Variants in MYOM2 observed in about 807,000 individuals in gnomAD.
The protein encoded by MYOM2 is myomesin 2.
A neutral mutation model predicts 187.6 loss-of-function variants in MYOM2; 254 were observed. The observed-to-expected ratio is 1.35, with a 90% confidence interval of 1.22 to 1.50. MYOM2 has a LOEUF of 1.50. Ranked by LOEUF, MYOM2 falls within the 40% of genes most tolerant of loss-of-function variation. The pLI, the probability that MYOM2 is intolerant of heterozygous loss-of-function variation, is 0.00. For missense variants in MYOM2, 2,796 were observed against 1,924.0 expected, an observed-to-expected ratio of 1.45 and a Z score of -8.48; for synonymous variants, 981 against 753.8, an observed-to-expected ratio of 1.30 and a Z score of -4.94.
intron 15 of MYOM2, among the ~76,000 whole-genome samples, chr8:2,091,946 G>A (rs1256968837): frequency 2.0e-5 from 3 of 152,128 alleles, no homozygotes; most frequent in African/African-American, 7.2e-5. Context: ...AGTGCCCCTC[G>A]GAGATTTCAA....
intron 25 of MYOM2, among the ~76,000 whole-genome samples, chr8:2,113,440 G>A (rs1464486639): frequency 6.6e-6 from 1 of 152,184 alleles, no homozygotes; most frequent in Non-Finnish European, 1.5e-5. Context: ...TGAAGGCCTT[G>A]GGAGGTCTCT....
intron 25 of MYOM2, among the ~76,000 whole-genome samples, chr8:2,115,164 C>CAAAAA (rs66740208): frequency 6.9e-6 from 1 of 144,164 alleles, no homozygotes; most frequent in African/African-American, 2.5e-5. Flanking sequence ...AGGCAACCAG[C>CAAAAA]AAAAAAAAAA....
intron 6 of MYOM2, among the ~76,000 whole-genome samples, chr8:2,069,051 G>A (rs76114718): frequency 0.011 from 1,717 of 152,300 alleles, 23 homozygotes; most frequent in African/African-American, 0.037. Flanking sequence ...TCTTAAGGCC[G>A]AAACTGCACC....
chr8:2,057,808 A>C (rs1283730545), intron 5 of MYOM2, 28 bp downstream of exon 5: 3 of 1,605,048 alleles, frequency 1.9e-6, no homozygotes, highest in Non-Finnish European at 8.5e-7. Flanking sequence ...CAGGGGGTGA[A>C]GAAGTCCATT....
chr8:2,103,786 GTGTA>G (rs759969580), intron 21 of MYOM2, among the ~76,000 whole-genome samples: 11 of 151,908 alleles, frequency 7.2e-5, no homozygotes, highest in Admixed American at 3.9e-4. Context: ...ATGTGTTTAT[GTGTA>G]TGTATGTATA....
chr8:2,142,627 C>G (rs564541140), intron 35 of MYOM2, among the ~76,000 whole-genome samples: 2 of 152,058 alleles, frequency 1.3e-5, no homozygotes, highest in Admixed American at 6.6e-5. Context: ...CCCTCCCTCC[C>G]TCCTCCCTTG....
chr8:2,097,843 A>G (rs1796546078), intron 18 of MYOM2, among the ~76,000 whole-genome samples: 1 of 152,208 alleles, frequency 6.6e-6, no homozygotes. Context: ...AATGTTTTTC[A>G]AATATGTCTA....
chr8:2,131,296 A>G (rs1416365391), intron 32 of MYOM2, among the ~76,000 whole-genome samples: 1 of 152,124 alleles, frequency 6.6e-6, no homozygotes, highest in Non-Finnish European at 1.5e-5. Context: ...CCCACATTTT[A>G]TAGATGTGGA....
chr8:2,142,431 A>T lies in MYOM2; in HGVS notation c.4024+34A>T, dbSNP rs912529626. The T allele has an allele frequency of 3.1e-6, 5 of 1,611,126 alleles. No individual in the cohort carries two copies. In the African/African-American group the frequency reaches 6.7e-5, roughly 22 times the overall value. On this transcript the variant is annotated intron_variant, in intron 35 of 36. Coordinates refer to ENST00000262113, the MANE Select transcript of MYOM2 (RefSeq NM_003970.4). Reference sequence around the variant, plus strand: ...CTGTTGGATTGTAACCAGGATGGTGAATTATTTGGGGTGGGGCAAAAGTGT... The same window carrying T: ...CTGTTGGATTGTAACCAGGATGGTGTATTATTTGGGGTGGGGCAAAAGTGT...
chr8:2,090,465 CT>C (rs1796259879), intron 15 of MYOM2, among the ~76,000 whole-genome samples: 1 of 152,148 alleles, frequency 6.6e-6, no homozygotes, highest in Admixed American at 6.5e-5. Flanking sequence ...TTTATTTAAA[CT>C]TTTAAAAAAA....
intron 10 of MYOM2, among the ~76,000 whole-genome samples, chr8:2,075,604 C>T (rs1819390013): frequency 6.6e-6 from 1 of 152,164 alleles, no homozygotes; most frequent in Non-Finnish European, 1.5e-5. Context: ...TTCTATGTTG[C>T]TCTGTTGGTT....
chr8:2,050,411 C>T (rs896545703), intron 1 of MYOM2, among the ~76,000 whole-genome samples: 2 of 152,218 alleles, frequency 1.3e-5, no homozygotes, highest in African/African-American at 2.4e-5. Context: ...CTCTAATCTG[C>T]TTTAATTATT....
chr8:2,055,273 G>T (rs1357005561), intron 3 of MYOM2, among the ~76,000 whole-genome samples: 1 of 152,178 alleles, frequency 6.6e-6, no homozygotes, highest in Admixed American at 6.5e-5. Context: ...TTATAGAGGT[G>T]GCACGTGCTC....
rs775346921 is a variant in MYOM2, at chr8:2,085,440, C to T, written c.1644+50C>T. Reference sequence around the variant, plus strand: ...AAAAGTAGATCTCTGCATGGCCCCCCACTGTCATGATCTCTGCGTGGCCCA... The same window carrying T: ...AAAAGTAGATCTCTGCATGGCCCCCTACTGTCATGATCTCTGCGTGGCCCA... On this transcript the variant is annotated intron_variant, in intron 14 of 36. Coordinates refer to ENST00000262113, the MANE Select transcript of MYOM2 (RefSeq NM_003970.4). The T allele has an allele frequency of 5.1e-5, 81 of 1,597,800 alleles. 1 individual carries two copies. The Middle Eastern group carries it at 6.7e-3, about 133-fold the overall frequency.
At position 2,057,345 on chromosome 8, in the gene MYOM2, CA is replaced by C; in HGVS notation, c.264-2del. ...AACTGAGGCTGCTTCTCGGCTCCTG[CA>C]GGTACCAGTCCCTGGTGGCCGCCTA... On this transcript the variant is annotated splice_acceptor_variant, in intron 3 of 36. Coordinates refer to ENST00000262113, the MANE Select transcript of MYOM2 (RefSeq NM_003970.4). LOFTEE classifies it high-confidence loss of function. The C allele has an allele frequency of 6.3e-7, 1 of 1,598,232 alleles. No homozygotes were observed. The highest frequency in any genetic ancestry group is 8.5e-7 in the Non-Finnish European group (1 of 1,172,034).
intron 34 of MYOM2, 80 bp from the exon 35 acceptor site, chr8:2,142,295 C>G: frequency 1.5e-6 from 2 of 1,360,574 alleles, no homozygotes; most frequent in Non-Finnish European, 2.1e-6. Flanking sequence ...GCTAGTGAGC[C>G]TCTCAGCTGT....
intron 6 of MYOM2, among the ~76,000 whole-genome samples, chr8:2,066,276 A>T (rs1819016701): frequency 6.6e-6 from 1 of 152,146 alleles, no homozygotes; most frequent in Non-Finnish European, 1.5e-5. Flanking sequence ...TGAGAATCTG[A>T]GTCCACCTGG....
intron 25 of MYOM2, among the ~76,000 whole-genome samples, chr8:2,112,420 A>C (rs1434585062): frequency 2.1e-5 from 3 of 145,352 alleles, no homozygotes; most frequent in Non-Finnish European, 3.0e-5. Flanking sequence ...CAGGGATGGG[A>C]GGGAGAGAAT....
At chr8:2,143,487 G>A in intron 36 of MYOM2, 31 bp downstream of exon 36, 1 of 1,613,766 alleles carries the variant, frequency 6.2e-7, no homozygotes, top group Non-Finnish European at 8.5e-7. Context: ...CGGGGTGGGG[G>A]TGTCAGCACG....
Sources: gnomAD v4.1 joint callset for allele counts (sites outside exome capture counted in the v4.1 genomes callset) on GRCh38, gnomAD v4.1.1 for gene constraint, MANE v1.5 for transcripts, NCBI Gene and HGNC (gene_info 2026-07-23, HGNC 2026-07-21) for gene names.